SLC9A7: variants seen among roughly 807,000 people sequenced by gnomAD.
SLC9A7 encodes solute carrier family 9 member A7.
Under a neutral mutation model 52.6 loss-of-function variants are expected in SLC9A7, and 19 were observed. The observed-to-expected ratio is 0.36, with a 90% CI of 0.25 to 0.53. The LOEUF (loss-of-function observed/expected upper bound fraction) is 0.53. SLC9A7 is among the 20% of genes least tolerant of loss of function. SLC9A7 has a pLI of 0.91. For missense variants in SLC9A7, 455 were observed against 597.9 expected, an observed-to-expected ratio of 0.76 and a Z score of 2.49; for synonymous variants, 226 against 252.1, an observed-to-expected ratio of 0.90 and a Z score of 0.98.
intron 4 of SLC9A7, among the ~76,000 whole-genome samples, chrX:46,670,490 CAT>C (rs2146839176): frequency 9.0e-6 from 1 of 111,064 alleles, no homozygotes; most frequent in East Asian, 2.8e-4. Flanking sequence ...TCTGTGCGTG[CAT>C]GTGTGTGTGT....
rs567774821 is a variant in SLC9A7 at position 46,679,773 on chromosome X, A to G, written c.526-18T>C. ...AATGTTACCTGAAAGTTTAAAAAGA[A>G]AAAAAAGCCAATTTTTTATTTAACT... On this transcript the variant is annotated intron_variant, in intron 2 of 16. Coordinates refer to ENST00000616978, the MANE Select transcript of SLC9A7 (RefSeq NM_001257291.2). The G allele has an allele frequency of 3.5e-5, 37 of 1,066,159 alleles. No individual in the cohort carries two copies. The East Asian group carries it at 4.0e-4, about 12-fold the overall frequency. The allele number at this position is 1,066,159 out of a possible 1,213,427, so 87.9% of individuals were successfully genotyped here.
intron 1 of SLC9A7, among the ~76,000 whole-genome samples, chrX:46,697,618 G>T (rs753688136): frequency 2.2e-4 from 25 of 111,455 alleles, no homozygotes; most frequent in Admixed American, 1.5e-3. Flanking sequence ...TCTTAATCCT[G>T]TCAGCTGAGG....
chrX:46,722,548 G>A (rs1743598131), intron 1 of SLC9A7, among the ~76,000 whole-genome samples: 1 of 112,308 alleles, frequency 8.9e-6, no homozygotes, highest in Admixed American at 9.4e-5. Flanking sequence ...AGGCAAAGAA[G>A]GACTTTTATC....
intron 5 of SLC9A7, among the ~76,000 whole-genome samples, chrX:46,664,245 G>T (rs757592671): frequency 9.9e-5 from 11 of 111,369 alleles, no homozygotes; most frequent in Non-Finnish European, 1.9e-4. Flanking sequence ...GTCAGGAAGA[G>T]GGCAGAGAGG....
chrX:46,679,993 A>G (rs1004374210), intron 2 of SLC9A7, among the ~76,000 whole-genome samples: 2 of 111,932 alleles, frequency 1.8e-5, no homozygotes, highest in African/African-American at 6.5e-5. Context: ...TTAAAACATA[A>G]TAAGACACAA....
In SLC9A7 at chrX:46,654,701, T is replaced by G. The variant is rs1294172399; in HGVS notation, c.1042-987A>C. 3.6e-5 allele frequency among the ~76,000 whole-genome samples: 4 copies of G among 110,247 alleles called. No homozygotes were observed. The East Asian group carries it at 1.1e-3, about 31-fold the overall frequency. On this transcript the variant is annotated intron_variant, in intron 7 of 16. Coordinates refer to ENST00000616978, the MANE Select transcript of SLC9A7 (RefSeq NM_001257291.2). The stretch of plus-strand genomic sequence containing the variant: ...CACAGGAAAGAAAGAAATGCATAAT[T>G]CTTGAGACAGCTACCAGGTGCTGGT...
At chrX:46,730,090 G>A (rs1383328695) in intron 1 of SLC9A7, among the ~76,000 whole-genome samples, 1 of 111,076 alleles carries the variant, frequency 9.0e-6, no homozygotes, top group African/African-American at 3.3e-5. Context: ...ATACACTCTG[G>A]GGTTCAGCCT....
At chrX:46,676,564 G>A (rs907700338) in intron 3 of SLC9A7, among the ~76,000 whole-genome samples, 1 of 112,067 alleles carries the variant, frequency 8.9e-6, no homozygotes, top group Admixed American at 9.4e-5. Flanking sequence ...AACCATCATA[G>A]TGGCTTTCAC....
chrX:46,664,268 G>A (rs778978303), intron 5 of SLC9A7, among the ~76,000 whole-genome samples: 69 of 111,544 alleles, frequency 6.2e-4, no homozygotes, highest in African/African-American at 2.1e-3. Context: ...AGACACCAAC[G>A]CAGTCATCTT....
At chrX:46,671,364 T>C (rs1392001822) in intron 4 of SLC9A7, among the ~76,000 whole-genome samples, 5 of 110,055 alleles carry the variant, frequency 4.5e-5, no homozygotes, top group Non-Finnish European at 9.5e-5. Context: ...GGGTTCATGC[T>C]ATTCTCCTGC....
chrX:46,749,855 C>T (rs1333168964), intron 1 of SLC9A7, among the ~76,000 whole-genome samples: 3 of 110,888 alleles, frequency 2.7e-5, no homozygotes, highest in African/African-American at 6.5e-5. Flanking sequence ...CCGAGGTGGG[C>T]AGATCACTTG....
intron 14 of SLC9A7, among the ~76,000 whole-genome samples, chrX:46,622,792 T>C (rs1337103438): frequency 9.0e-6 from 1 of 110,889 alleles, no homozygotes; most frequent in Non-Finnish European, 1.9e-5. Context: ...AAAAGACAAT[T>C]AAAATGAGTA....
rs764103078 is a variant in SLC9A7, at chrX:46,662,110, T to A, written c.947A>T (p.Asp316Val). Residue 316 changes from aspartate to valine, a missense_variant, in exon 7 of 17, where the codon GAT becomes GTT. Coordinates refer to ENST00000616978, the MANE Select transcript of SLC9A7 (RefSeq NM_001257291.2). ...AACTGACTTAAAAAAGGCAGCAGCA[T>A]CAAAGGCGTGAGTGTTCAGTCCCGC... Reference protein sequence around the residue: ...QPAGLNTHAFDAAAFFKSVGI... With the variant: ...QPAGLNTHAFVAAAFFKSVGI... 2.5e-6 allele frequency: 3 copies of A among 1,208,200 alleles called. No homozygotes were observed. Among genetic ancestry groups the A allele is most frequent in the Non-Finnish European group, 3.4e-6 (3 of 894,001 alleles).
intron 5 of SLC9A7, among the ~76,000 whole-genome samples, chrX:46,669,285 T>C (rs1442858771): frequency 9.1e-6 from 1 of 110,010 alleles, no homozygotes; most frequent in Admixed American, 9.8e-5. Context: ...AAAAGCCATC[T>C]AACTGTAGTC....
At chrX:46,680,257 G>T (rs1195905362) in intron 2 of SLC9A7, among the ~76,000 whole-genome samples, 1 of 108,817 alleles carries the variant, frequency 9.2e-6, no homozygotes, top group Non-Finnish European at 1.9e-5. Context: ...GCTGAGGCAG[G>T]AGAATCGCTT....
intron 16 of SLC9A7, among the ~76,000 whole-genome samples, chrX:46,611,222 T>C (rs1352882797): frequency 1.8e-5 from 2 of 112,165 alleles, no homozygotes. Context: ...AGTAGCAGGA[T>C]GAGAAATTAC....
rs1023840230 is a variant in SLC9A7 at position 46,706,322 on chromosome X, G to A, written c.326-23787C>T. ...CTAGAATTTGTGTCAAAATCACCTTGACATGGGAAGAGGTAGCTGGAAGGT... is the reference window on the plus strand; with the variant it reads ...CTAGAATTTGTGTCAAAATCACCTTAACATGGGAAGAGGTAGCTGGAAGGT... On this transcript the variant is annotated intron_variant, in intron 1 of 16. Transcript: ENST00000616978. Among the ~76,000 whole-genome samples the A allele has an allele frequency of 2.8e-5, 3 of 105,428 alleles. No individual in the cohort carries two copies. In the Admixed American group the frequency reaches 3.0e-4, roughly 11 times the overall value. The allele number at this position is 105,428 out of a possible 115,157, so 91.6% of individuals were successfully genotyped here. A position where few individuals can be genotyped will look rare whatever the true frequency, so the allele number is the denominator to read the frequency against.
At chrX:46,655,067 C>A (rs1229748433) in intron 7 of SLC9A7, among the ~76,000 whole-genome samples, 1 of 102,158 alleles carries the variant, frequency 9.8e-6, no homozygotes, top group African/African-American at 3.6e-5. Flanking sequence ...TCACTGCAAT[C>A]TCCACCTCCC....
At chrX:46,633,379 A>AAAAAAAC (rs1943260727) in intron 13 of SLC9A7, among the ~76,000 whole-genome samples, 1 of 95,931 alleles carries the variant, frequency 1.0e-5, no homozygotes, top group African/African-American at 4.1e-5. Flanking sequence ...AAAAAAAAAA[A>AAAAAAAC]AACAGATCGG....
Sources: allele counts gnomAD v4.1 joint callset (sites outside exome capture counted in the v4.1 genomes callset), GRCh38; gene constraint gnomAD v4.1.1; transcripts MANE v1.5; gene names NCBI Gene and HGNC (gene_info 2026-07-23, HGNC 2026-07-21).